The following PRDM16 variants were observed in gnomAD, a reference collection of about 807,000 sequenced individuals.
The protein encoded by PRDM16 is histone-lysine N-methyltransferase PRDM16.
PRDM16 carries 23 observed loss-of-function variants against 110.6 expected under a neutral mutation model. That is an observed-to-expected ratio of 0.21 (90% CI 0.15 to 0.29). PRDM16 has a LOEUF of 0.29. PRDM16 is among the 10% of genes least tolerant of loss of function. The pLI, the probability that PRDM16 is intolerant of heterozygous loss-of-function variation, is 1.00. For missense variants in PRDM16, 1,615 were observed against 1,794.3 expected, an observed-to-expected ratio of 0.90 and a Z score of 1.81; for synonymous variants, 799 against 781.8, an observed-to-expected ratio of 1.02 and a Z score of -0.37.
At chr1:3,330,757 G>A (rs1231650448) in intron 3 of PRDM16, among the ~76,000 whole-genome samples, 1 of 152,214 alleles carries the variant, frequency 6.6e-6, no homozygotes. Flanking sequence ...TCACGACAGA[G>A]CCTCCTAAGC....
intron 3 of PRDM16, among the ~76,000 whole-genome samples, chr1:3,377,557 C>T (rs1643015100): frequency 6.6e-6 from 1 of 152,208 alleles, no homozygotes; most frequent in African/African-American, 2.4e-5. Flanking sequence ...GCTGGGGGAG[C>T]TGCCCGGCGC....
At chr1:3,423,093 G>A (rs1638486202) in intron 12 of PRDM16, among the ~76,000 whole-genome samples, 1 of 152,238 alleles carries the variant, frequency 6.6e-6, no homozygotes, top group Non-Finnish European at 1.5e-5. Context: ...GAATTGAGTG[G>A]ATGAAGCCTT....
rs189187863 is a variant in PRDM16, at chr1:3,102,012, A to G, written c.37+32716A>G. Among the ~76,000 whole-genome samples, 7 of 152,062 alleles carry G rather than the reference A, an allele frequency of 4.6e-5. No individual in the cohort carries two copies. The East Asian group carries it at 1.4e-3, about 30-fold the overall frequency. ...GTTTTTCAACATTCTCAGCAACAGG[A>G]CTCCTTTCTAACCCCAACCTTGTGT... On this transcript the variant is annotated intron_variant, in intron 1 of 16. Transcript: ENST00000270722.
intron 3 of PRDM16, among the ~76,000 whole-genome samples, chr1:3,325,979 A>C (rs77090520): frequency 1.4e-5 from 2 of 144,530 alleles, no homozygotes; most frequent in South Asian, 2.2e-4. Context: ...CTCCTTGGCC[A>C]TCCTCGACCA....
chr1:3,389,243 C>T lies in PRDM16; in HGVS notation c.573+3957C>T, dbSNP rs140210222. Among the ~76,000 whole-genome samples, 5 of 152,330 alleles carry T rather than the reference C, an allele frequency of 3.3e-5. No homozygotes were observed. In the East Asian group the frequency reaches 9.7e-4, roughly 29 times the overall value. On this transcript the variant is annotated intron_variant, in intron 4 of 16. Coordinates refer to ENST00000270722, the MANE Select transcript of PRDM16 (RefSeq NM_022114.4). The stretch of plus-strand genomic sequence containing the variant: ...CAGCCAGCACCTCCCCAGAGGCTCC[C>T]CACTGCCCTGCCGCCTCGCAGTGCC...
chr1:3,398,581 G>A (rs1643421032), intron 5 of PRDM16, among the ~76,000 whole-genome samples: 1 of 152,238 alleles, frequency 6.6e-6, no homozygotes, highest in Admixed American at 6.5e-5. Flanking sequence ...CCTCGAGTCT[G>A]GTAGATTAGT....
intron 2 of PRDM16, 73 bp downstream of exon 2, chr1:3,186,547 T>C (rs920771543): frequency 1.9e-6 from 2 of 1,060,258 alleles, no homozygotes; most frequent in Non-Finnish European, 2.6e-6. Flanking sequence ...AAAGCCGGGC[T>C]GAGCAGCCAC....
chr1:3,131,380 C>A (rs1643332366), intron 1 of PRDM16, among the ~76,000 whole-genome samples: 1 of 152,134 alleles, frequency 6.6e-6, no homozygotes, highest in African/African-American at 2.4e-5. Flanking sequence ...ACCTTTAATT[C>A]TTCCTGTGAA....
chr1:3,435,107 C>T lies in PRDM16; in HGVS notation c.*1296C>T, dbSNP rs1638872315. On this transcript the variant is annotated 3_prime_UTR_variant, in exon 17 of 17. Coordinates refer to ENST00000270722, the MANE Select transcript of PRDM16 (RefSeq NM_022114.4). ...CAGCACAGCCCCCCGGGCCCAGCCG[C>T]CTCCCTCTCTTGGGACGCAACTTCT... is the stretch of plus-strand genomic sequence containing the variant. 4.4e-6 allele frequency: 1 copy of T among 227,360 alleles called. No individual in the cohort carries two copies. Among genetic ancestry groups the T allele is most frequent in the South Asian group, 1.8e-4 (1 of 5,480 alleles). 14.1% of individuals were successfully genotyped at this position (227,360 alleles called of 1,614,324 possible).
At chr1:3,195,556 T>C (rs1638453169) in intron 2 of PRDM16, among the ~76,000 whole-genome samples, 1 of 152,120 alleles carries the variant, frequency 6.6e-6, no homozygotes. Context: ...ACTTCTTAAA[T>C]AGTATTTTGC....
At position 3,088,939 on chromosome 1, in the gene PRDM16, C is replaced by T. The variant is rs186939743; in HGVS notation, c.37+19643C>T. Among the ~76,000 whole-genome samples the T allele has an allele frequency of 8.9e-4, 136 of 152,142 alleles. 1 individual carries two copies. The highest frequency in any genetic ancestry group is 3.2e-3 in the African/African-American group (133 of 41,510). ...CTGGGGTTACAGGCACATGCCACCGCGCCCAGCTAATTTTTGTATTTTTAG... is the reference window on the plus strand; with the variant it reads ...CTGGGGTTACAGGCACATGCCACCGTGCCCAGCTAATTTTTGTATTTTTAG... On this transcript the variant is annotated intron_variant, in intron 1 of 16. Transcript: ENST00000270722.
intron 1 of PRDM16, among the ~76,000 whole-genome samples, chr1:3,105,965 T>C (rs1195765042): frequency 1.3e-5 from 2 of 151,950 alleles, no homozygotes; most frequent in Non-Finnish European, 2.9e-5. Context: ...TGCTCCTTAG[T>C]TGGGTGGGGG....
At chr1:3,130,988 C>T (rs1203945746) in intron 1 of PRDM16, among the ~76,000 whole-genome samples, 3 of 151,972 alleles carry the variant, frequency 2.0e-5, no homozygotes, top group Admixed American at 1.3e-4. Context: ...GAACCTGACC[C>T]GTCCGTGTTT....
rs1422121094 is a variant in PRDM16, at chr1:3,201,055, G to A, written c.387+14581G>A. Among the ~76,000 whole-genome samples, 1 of 152,100 alleles carries A rather than the reference G, an allele frequency of 6.6e-6. No individual in the cohort carries two copies. Among genetic ancestry groups the A allele is most frequent in the East Asian group, 1.9e-4 (1 of 5,166 alleles). ...CCAGGGTCAACCCTTAGCCGGAGTG[G>A]GGACTCCGGGGAAGGCCAGCTGCCC... On this transcript the variant is annotated intron_variant, in intron 2 of 16. Transcript: ENST00000270722. The surrounding 1 kb of genome is among the most constrained non-coding windows in gnomAD (Gnocchi z 4.1).
chr1:3,075,453 C>A (rs1372270318), intron 1 of PRDM16, among the ~76,000 whole-genome samples: 2 of 152,214 alleles, frequency 1.3e-5, no homozygotes, highest in African/African-American at 4.8e-5. Context: ...AACTACAATG[C>A]GGCCTACTGG....
intron 3 of PRDM16, among the ~76,000 whole-genome samples, chr1:3,354,785 C>T (rs1311186812): frequency 6.6e-6 from 1 of 152,186 alleles, no homozygotes; most frequent in Admixed American, 6.5e-5. Context: ...GCAAGAGGCT[C>T]CTGATACCAA....
At chr1:3,170,778 A>T (rs1644016673) in intron 1 of PRDM16, among the ~76,000 whole-genome samples, 1 of 152,068 alleles carries the variant, frequency 6.6e-6, no homozygotes, top group Non-Finnish European at 1.5e-5. Context: ...GGCTGGAGGC[A>T]CACGGACATG....
chr1:3,316,116 G>C (rs556987520), intron 3 of PRDM16, among the ~76,000 whole-genome samples: 1 of 140,044 alleles, frequency 7.1e-6, no homozygotes, highest in Admixed American at 7.1e-5. Flanking sequence ...AACGTTTCAG[G>C]CAGGAATCGT....
chr1:3,171,048 C>G (rs550527403), intron 1 of PRDM16, among the ~76,000 whole-genome samples: 18 of 152,240 alleles, frequency 1.2e-4, no homozygotes, highest in Non-Finnish European at 2.4e-4. Context: ...GCACCCCTGT[C>G]CCAGCGGGAC....
Sources: allele counts gnomAD v4.1 joint callset (sites outside exome capture counted in the v4.1 genomes callset), GRCh38; gene constraint gnomAD v4.1.1; non-coding constraint Gnocchi (gnomAD v3.1); transcripts MANE v1.5; gene names NCBI Gene and HGNC (gene_info 2026-07-23, HGNC 2026-07-21).